Variants in SEPTIN11 observed in about 807,000 individuals in gnomAD.
The protein encoded by SEPTIN11 is septin 11.
Under a neutral mutation model 51.4 loss-of-function variants are expected in SEPTIN11, and 25 were observed. The ratio of observed to expected loss-of-function variants is 0.49; its 90% CI spans 0.35 to 0.68. The LOEUF (loss-of-function observed/expected upper bound fraction) is 0.68. Among genes scored for constraint, SEPTIN11 ranks in the 30% least tolerant of loss-of-function variants. The pLI is 0.00. For synonymous variants in SEPTIN11, 174 were observed against 184.1 expected, an observed-to-expected ratio of 0.95 and a Z score of 0.44; for missense variants, 381 against 520.8, an observed-to-expected ratio of 0.73 and a Z score of 2.61.
At position 77,014,888 on chromosome 4, in the gene SEPTIN11, C is replaced by T. The variant is rs1725109241; in HGVS notation, c.558C>T (p.Asp186=). The change falls in exon 5 of 10, where the codon GAC becomes GAT. Residue 186 remains aspartate (D), a synonymous_variant. Transcript: ENST00000264893. ...VNIIPIIAKA[D]TIAKNELHKF... Reference sequence around the variant, plus strand: ...TCATTCCAATAATTGCAAAAGCTGACACCATTGCCAAGAATGAACTGCACA... The same window carrying T: ...TCATTCCAATAATTGCAAAAGCTGATACCATTGCCAAGAATGAACTGCACA... The T allele has an allele frequency of 6.2e-7, 1 of 1,614,072 alleles. No homozygotes were observed. The highest frequency in any genetic ancestry group is 8.5e-7 in the Non-Finnish European group (1 of 1,179,978).
chr4:77,022,444 A>G (rs556639155), intron 7 of SEPTIN11, among the ~76,000 whole-genome samples: 3 of 152,290 alleles, frequency 2.0e-5, no homozygotes, highest in African/African-American at 7.2e-5. Context: ...TTTTTTCCAT[A>G]CTGGGTTAGA....
chr4:76,961,056 C>CTAAG (rs1258692761), intron 1 of SEPTIN11, among the ~76,000 whole-genome samples: 3 of 152,156 alleles, frequency 2.0e-5, no homozygotes, highest in African/African-American at 7.2e-5. Context: ...GGAGAAAAGG[C>CTAAG]TAAGACTCAG....
chr4:76,988,511 G>GT (rs1167547806), intron 1 of SEPTIN11, among the ~76,000 whole-genome samples: 7 of 152,248 alleles, frequency 4.6e-5, no homozygotes, highest in South Asian at 2.1e-4. Context: ...TTTTTTGTTT[G>GT]TTTTTTTATT....
At chr4:77,001,436 G>A (rs966771801) in intron 2 of SEPTIN11, among the ~76,000 whole-genome samples, 5 of 151,476 alleles carry the variant, frequency 3.3e-5, no homozygotes, top group Admixed American at 1.3e-4. Context: ...TGCAACCTCC[G>A]CCTCCCAGGT....
intron 2 of SEPTIN11, among the ~76,000 whole-genome samples, chr4:77,000,588 C>A (rs1261716877): frequency 1.3e-5 from 2 of 152,128 alleles, no homozygotes; most frequent in Admixed American, 1.3e-4. Context: ...ATATGCTAAA[C>A]ACAAGCAAAA....
At chr4:77,019,555 G>A (rs1474427071) in intron 6 of SEPTIN11, among the ~76,000 whole-genome samples, 1 of 152,182 alleles carries the variant, frequency 6.6e-6, no homozygotes, top group Non-Finnish European at 1.5e-5. Flanking sequence ...TTCCCTAGGA[G>A]TTGGAGCTCG....
At chr4:76,952,298 G>C (rs1006200514) in intron 1 of SEPTIN11, among the ~76,000 whole-genome samples, 2 of 152,188 alleles carry the variant, frequency 1.3e-5, no homozygotes, top group African/African-American at 2.4e-5. Flanking sequence ...GGTGCGCTGA[G>C]GGAAAAGAAC....
chr4:77,021,712 T>C (rs1249855034), intron 7 of SEPTIN11: 1 of 152,340 alleles, frequency 6.6e-6, no homozygotes, highest in East Asian at 1.9e-4. Context: ...CAACACACTC[T>C]GATGTCTACA....
chr4:76,997,380 C>T (rs1266892312), intron 2 of SEPTIN11, among the ~76,000 whole-genome samples: 1 of 152,170 alleles, frequency 6.6e-6, no homozygotes, highest in Non-Finnish European at 1.5e-5. Context: ...CCAAGTAAAG[C>T]AAAGAGAATT....
chr4:76,998,010 T>G (rs1467039756), intron 2 of SEPTIN11, among the ~76,000 whole-genome samples: 1 of 152,012 alleles, frequency 6.6e-6, no homozygotes, highest in African/African-American at 2.4e-5. Context: ...GGGTATGTGG[T>G]GTGCAGTGGG....
chr4:77,015,695 G>A (rs1014627027), intron 5 of SEPTIN11, among the ~76,000 whole-genome samples: 3 of 152,168 alleles, frequency 2.0e-5, no homozygotes, highest in Non-Finnish European at 4.4e-5. Context: ...ATCCATGAAA[G>A]CCACATGCTT....
intron 1 of SEPTIN11, among the ~76,000 whole-genome samples, chr4:76,973,814 A>G (rs1051562276): frequency 6.6e-6 from 1 of 152,064 alleles, no homozygotes; most frequent in Non-Finnish European, 1.5e-5. Context: ...TGCATTTTTT[A>G]TGCACCTTAG....
Position 76,952,377 on chromosome 4 carries a change from T to C in SEPTIN11, c.27+2447T>C, listed in dbSNP as rs150746717. On this transcript the variant is annotated intron_variant, in intron 1 of 9. Transcript: ENST00000264893. ...TTTAATTAGATTTTTTAAAAAGTTA[T>C]TTAGGACATATATCTCCTTTTGCGA... Among the ~76,000 whole-genome samples, 25 of 152,308 alleles carry C rather than the reference T, an allele frequency of 1.6e-4. No homozygotes were observed. In the East Asian group the frequency reaches 2.1e-3, roughly 13 times the overall value.
intron 1 of SEPTIN11, among the ~76,000 whole-genome samples, chr4:76,980,327 C>G (rs1378518638): frequency 6.6e-6 from 1 of 152,178 alleles, no homozygotes; most frequent in Non-Finnish European, 1.5e-5. Flanking sequence ...TCAGGTTTTA[C>G]AGTGATTGTT....
At position 77,022,648 on chromosome 4, in the gene SEPTIN11, G is replaced by A. The variant is rs544464906; in HGVS notation, c.953+1978G>A. Reference sequence around the variant, plus strand: ...GGCTGTAGTTTCCCAACCCCTAGACGAGATCATAACTTGGAGCCTGTGAAC... The same window carrying A: ...GGCTGTAGTTTCCCAACCCCTAGACAAGATCATAACTTGGAGCCTGTGAAC... On this transcript the variant is annotated intron_variant, in intron 7 of 9. Transcript: ENST00000264893. 2.0e-5 allele frequency among the ~76,000 whole-genome samples: 3 copies of A among 152,294 alleles called. No individual in the cohort carries two copies. The South Asian group carries it at 6.2e-4, about 32-fold the overall frequency.
chr4:77,014,577 T>C (rs1725081768), intron 4 of SEPTIN11, among the ~76,000 whole-genome samples: 1 of 152,064 alleles, frequency 6.6e-6, no homozygotes, highest in African/African-American at 2.4e-5. Context: ...TAAAAGTGTT[T>C]GAATATGGAA....
rs952544790 is a variant in SEPTIN11 at position 77,036,358 on chromosome 4, T to C, written c.*1846T>C. On this transcript the variant is annotated 3_prime_UTR_variant, in exon 10 of 10. Transcript: ENST00000264893. ...TGGCATGTTGATTCAAACCATGGGC[T>C]GAATTTGCTCATAGGCTGTGCATCA... The C allele has an allele frequency of 6.7e-6, 7 of 1,041,918 alleles. No individual in the cohort carries two copies. The African/African-American group carries it at 1.2e-4, about 18-fold the overall frequency. 64.5% of individuals were successfully genotyped at this position (1,041,918 alleles called of 1,614,324 possible). A position where few individuals can be genotyped will look rare whatever the true frequency, so the allele number is the denominator to read the frequency against.
chr4:76,985,479 A>G (rs1469722777), intron 1 of SEPTIN11, among the ~76,000 whole-genome samples: 1 of 152,122 alleles, frequency 6.6e-6, no homozygotes, highest in Non-Finnish European at 1.5e-5. Context: ...CGTTTTTCCT[A>G]AGGGCATATG....
At chr4:76,983,183 C>T (rs944241743) in intron 1 of SEPTIN11, among the ~76,000 whole-genome samples, 1 of 152,140 alleles carries the variant, frequency 6.6e-6, no homozygotes, top group African/African-American at 2.4e-5. Flanking sequence ...GGAGATTGAC[C>T]TGGGTGGACC....
Sources: allele counts gnomAD v4.1 joint callset (sites outside exome capture counted in the v4.1 genomes callset), GRCh38; gene constraint gnomAD v4.1.1; transcripts MANE v1.5; gene names NCBI Gene and HGNC (gene_info 2026-07-23, HGNC 2026-07-21).